Variants in ZFR observed in about 807,000 individuals in gnomAD.
ZFR encodes the protein zinc finger RNA binding protein.
Under a neutral mutation model 130.7 loss-of-function variants are expected in ZFR, and 19 were observed. The ratio of observed to expected loss-of-function variants is 0.15; its 90% CI spans 0.10 to 0.21. ZFR has a LOEUF of 0.21. Among genes scored for constraint, ZFR ranks in the 10% least tolerant of loss-of-function variants. The probability of loss-of-function intolerance (pLI) is 1.00; values close to 1 mark genes in which losing one functional copy is unlikely to be tolerated. For synonymous variants in ZFR, 466 were observed against 456.9 expected (o/e 1.02, Z -0.25); for missense variants, 872 against 1,321.5 (o/e 0.66, Z 5.27).
At chr5:32,429,584 T>C (rs1235972275) in intron 2 of ZFR, among the ~76,000 whole-genome samples, 1 of 152,200 alleles carries the variant, frequency 6.6e-6, no homozygotes, top group Non-Finnish European at 1.5e-5. Context: ...CTATCTATTA[T>C]CTGAAATGCA....
chr5:32,385,689 G>A (rs749910701), intron 14 of ZFR, 40 bp from the exon 15 acceptor site: 1 of 1,605,136 alleles, frequency 6.2e-7, no homozygotes, highest in Non-Finnish European at 8.5e-7. Context: ...TGGATCTGTT[G>A]TATTAACAAA....
Position 32,387,671 on chromosome 5 carries a change from C to G in ZFR, c.2377G>C (p.Val793Leu). ...RALKGVLRVGVLAKGLLLRGD... is the reference protein window; with the variant it reads ...RALKGVLRVGLLAKGLLLRGD... Reference sequence around the variant, plus strand: ...CGGAGAAGTAATCCTTTTGCCAATACTCCCACTCGCAAAACTCCTTTCAAA... The same window carrying G: ...CGGAGAAGTAATCCTTTTGCCAATAGTCCCACTCGCAAAACTCCTTTCAAA... Residue 793 changes from valine to leucine, a missense_variant, in exon 14 of 20, where the codon GTA (valine) becomes CTA (leucine). Physicochemically the swap from Val to Leu is conservative, Grantham distance 32 (BLOSUM62 1). Around this residue, in one of 7 missense-constraint regions of ZFR, gnomAD observed 225 missense variants for 282.4 expected, o/e 0.80. Transcript: ENST00000265069. 6.2e-7 allele frequency: 1 copy of G among 1,612,288 alleles called. No homozygotes were observed.
Position 32,438,251 on chromosome 5 carries a change from AAATTTTTTT to A in ZFR, c.137+5969_137+5977del, listed in dbSNP as rs1245758888. ...CAAGAATGCTACTGATTTTATCTGA[AAATTTTTTT>A]TTTTTTTTTTTTTTTTTTTTGAGAC... is the stretch of plus-strand genomic sequence containing the variant. On this transcript the variant is annotated intron_variant, in intron 2 of 19. Coordinates refer to ENST00000265069, the MANE Select transcript of ZFR (RefSeq NM_016107.5). 1.3e-3 allele frequency among the ~76,000 whole-genome samples: 46 copies of A among 34,662 alleles called. 2 individuals are homozygous for A. In the South Asian group the frequency reaches 0.027, roughly 21 times the overall value. 22.7% of individuals were successfully genotyped at this position (34,662 alleles called of 152,430 possible).
chr5:32,379,591 C>T, intron 16 of ZFR: 1 of 242,422 alleles, frequency 4.1e-6, no homozygotes, highest in Non-Finnish European at 8.1e-6. Context: ...TTTGGTTTCC[C>T]TTCTGTGCCT....
chr5:32,385,356 A>G (rs966191184), intron 15 of ZFR, 152 bp downstream of exon 15: 2 of 791,730 alleles, frequency 2.5e-6, no homozygotes, highest in African/African-American at 3.5e-5. Context: ...GTGGGAAATT[A>G]TCTTAGGCAA....
rs1753787808 is a variant in ZFR at position 32,415,003 on chromosome 5, A to G, written c.750T>C (p.Ser250=). Residue 250 remains serine (S), a synonymous_variant, in exon 5 of 20, where the codon AGT becomes AGC. Transcript: ENST00000265069. ...AATVVPSYTQ[S]ATYSTTAVTY... Reference sequence around the variant, plus strand: ...TAACTGCTGTGGTACTGTAAGTAGCACTCTGAGTATAGGATGGCACCACAG... The same window carrying G: ...TAACTGCTGTGGTACTGTAAGTAGCGCTCTGAGTATAGGATGGCACCACAG... 2.5e-6 allele frequency: 4 copies of G among 1,613,854 alleles called. No individual in the cohort carries two copies. The highest frequency in any genetic ancestry group is 3.4e-6 in the Non-Finnish European group (4 of 1,179,950).
At chr5:32,436,211 C>T (rs578143401) in intron 2 of ZFR, among the ~76,000 whole-genome samples, 117 of 137,716 alleles carry the variant, frequency 8.5e-4, no homozygotes, top group African/African-American at 3.1e-3. Context: ...TGCAGTGGCG[C>T]GATCTCGGCT....
At chr5:32,440,674 A>C (rs1012678338) in intron 2 of ZFR, among the ~76,000 whole-genome samples, 43 of 151,872 alleles carry the variant, frequency 2.8e-4, no homozygotes. Context: ...CAAAAAATAC[A>C]AAACAGGAAA....
intron 12 of ZFR, among the ~76,000 whole-genome samples, chr5:32,389,236 C>T (rs1277082794): frequency 2.0e-5 from 3 of 152,140 alleles, no homozygotes; most frequent in Non-Finnish European, 4.4e-5. Context: ...TTTATCTACC[C>T]CTTATCTTTC....
At chr5:32,441,451 T>C (rs1157915209) in intron 2 of ZFR, among the ~76,000 whole-genome samples, 1 of 152,062 alleles carries the variant, frequency 6.6e-6, no homozygotes, top group Non-Finnish European at 1.5e-5. Context: ...CAGTAGGCCC[T>C]GTGGAACCTG....
intron 3 of ZFR, among the ~76,000 whole-genome samples, chr5:32,418,738 T>C (rs1352763189): frequency 6.6e-6 from 1 of 152,236 alleles, no homozygotes; most frequent in Non-Finnish European, 1.5e-5. Flanking sequence ...ATTTCAATTT[T>C]TTACTGCATA....
intron 2 of ZFR, among the ~76,000 whole-genome samples, chr5:32,431,362 G>C (rs927912253): frequency 1.3e-5 from 2 of 152,102 alleles, no homozygotes; most frequent in African/African-American, 4.8e-5. Flanking sequence ...TTGGTTAGGG[G>C]AATAAAACTA....
chr5:32,397,493 G>A (rs374793824), intron 9 of ZFR, among the ~76,000 whole-genome samples, 155 bp from the exon 10 acceptor site: 6 of 151,936 alleles, frequency 3.9e-5, no homozygotes, highest in Middle Eastern at 3.2e-3. Flanking sequence ...TTGCTCTGTC[G>A]CCCATGCTGG....
intron 5 of ZFR, among the ~76,000 whole-genome samples, chr5:32,410,148 T>C (rs1316198172): frequency 6.6e-6 from 1 of 150,852 alleles, no homozygotes; most frequent in African/African-American, 2.4e-5. Flanking sequence ...CAACTAAAAA[T>C]ACAAAAAATT....
chr5:32,388,817 G>T, intron 12 of ZFR, 143 bp from the exon 13 acceptor site: 1 of 778,058 alleles, frequency 1.3e-6, no homozygotes, highest in Non-Finnish European at 2.0e-6. Context: ...AAACGAAAAT[G>T]CAAACTATGG....
chr5:32,426,379 T>C (rs1561919094), intron 2 of ZFR, among the ~76,000 whole-genome samples: 2 of 151,852 alleles, frequency 1.3e-5, no homozygotes, highest in Non-Finnish European at 2.9e-5. Context: ...TCAACATCCT[T>C]TTATGATTAA....
intron 13 of ZFR, among the ~76,000 whole-genome samples, 185 bp from the exon 14 acceptor site, chr5:32,387,884 T>C (rs946718576): frequency 6.6e-6 from 1 of 151,596 alleles, no homozygotes; most frequent in Non-Finnish European, 1.5e-5. Context: ...AAAAAAAAAA[T>C]AATAAAGAGC....
intron 7 of ZFR, 42 bp from the exon 8 acceptor site, chr5:32,403,439 A>T: frequency 6.3e-7 from 1 of 1,581,152 alleles, no homozygotes; most frequent in Non-Finnish European, 8.6e-7. Context: ...AAACTCAAAT[A>T]GATTTTGAAA....
In ZFR at chr5:32,395,185, T is replaced by C. The variant is rs77829878; in HGVS notation, c.1953A>G (p.Glu651=). ...TCATTTCCATTCTCCAACGCTCCTC[T>C]TCTTCTCGTCTTCGCCAGTACTCCT... ...QKEEYWRRRE[E]EERWRMEMRR... is the part of the protein sequence containing the mutation. Residue 651 remains glutamate, a synonymous_variant, in exon 11 of 20, where the codon GAA becomes GAG. Coordinates refer to ENST00000265069, the MANE Select transcript of ZFR (RefSeq NM_016107.5). The C allele has an allele frequency of 3.4e-3, 5,495 of 1,605,684 alleles. 172 individuals are homozygous for C. The African/African-American group carries it at 0.066, about 19-fold the overall frequency.
Sources: allele counts gnomAD v4.1 joint callset (sites outside exome capture counted in the v4.1 genomes callset), GRCh38; gene constraint gnomAD v4.1.1; regional missense constraint gnomAD v4.1.1; transcripts MANE v1.5; gene names NCBI Gene and HGNC (gene_info 2026-07-23, HGNC 2026-07-21).